Variants in ERGIC1 observed in about 807,000 individuals in gnomAD.
The protein encoded by ERGIC1 is endoplasmic reticulum-golgi intermediate compartment 1.
Under a neutral mutation model 38.3 loss-of-function variants are expected in ERGIC1, and 19 were observed. The ratio of observed to expected loss-of-function variants is 0.50; its 90% CI spans 0.35 to 0.73. The LOEUF (loss-of-function observed/expected upper bound fraction) is 0.73. Among genes scored for constraint, ERGIC1 ranks in the 30% least tolerant of loss-of-function variants. ERGIC1 has a pLI of 0.01. For synonymous variants in ERGIC1, 124 were observed against 157.6 expected, an observed-to-expected ratio of 0.79 and a Z score of 1.60; for missense variants, 294 against 389.2, an observed-to-expected ratio of 0.76 and a Z score of 2.06.
chr5:172,860,162 T>C (rs1220464025), intron 1 of ERGIC1, among the ~76,000 whole-genome samples: 2 of 152,184 alleles, frequency 1.3e-5, no homozygotes, highest in Non-Finnish European at 2.9e-5. Context: ...AAGACATGTC[T>C]CCAGCCTCAG....
intron 1 of ERGIC1, among the ~76,000 whole-genome samples, chr5:172,877,085 T>TA (rs1762154138): frequency 6.6e-6 from 1 of 152,244 alleles, no homozygotes; most frequent in South Asian, 2.1e-4. Context: ...AGGTTTATAG[T>TA]AAGTCTGGAC....
intron 1 of ERGIC1, among the ~76,000 whole-genome samples, chr5:172,879,017 TC>T (rs1300597177): frequency 1.3e-5 from 2 of 152,108 alleles, no homozygotes; most frequent in Non-Finnish European, 2.9e-5. Flanking sequence ...ACCCACCACT[TC>T]CAATGACTTG....
chr5:172,843,946 G>A (rs1033420313), intron 1 of ERGIC1, among the ~76,000 whole-genome samples: 2 of 152,248 alleles, frequency 1.3e-5, no homozygotes, highest in African/African-American at 4.8e-5. Context: ...TATACTTGGA[G>A]GCGGGAGGAC....
intron 1 of ERGIC1, among the ~76,000 whole-genome samples, chr5:172,861,350 T>C (rs1761694745): frequency 6.6e-6 from 1 of 151,772 alleles, no homozygotes; most frequent in Non-Finnish European, 1.5e-5. Flanking sequence ...CGTGTTCTCT[T>C]TCATAGCTCC....
At chr5:172,856,977 G>T (rs1481300989) in intron 1 of ERGIC1, among the ~76,000 whole-genome samples, 4 of 152,184 alleles carry the variant, frequency 2.6e-5, no homozygotes, top group African/African-American at 4.8e-5. Flanking sequence ...GGGTAGCCAA[G>T]GGTTGGGGCC....
chr5:172,920,108 CAT>C (rs1356008164), intron 5 of ERGIC1, among the ~76,000 whole-genome samples: 2 of 152,186 alleles, frequency 1.3e-5, no homozygotes, highest in African/African-American at 4.8e-5. Context: ...CTTGGTTACA[CAT>C]GTCATGACCA....
chr5:172,929,604 G>T (rs1763730234), intron 7 of ERGIC1, among the ~76,000 whole-genome samples: 1 of 152,132 alleles, frequency 6.6e-6, no homozygotes, highest in African/African-American at 2.4e-5. Flanking sequence ...AATTAAGAGA[G>T]TGTACAAAAA....
intron 4 of ERGIC1, among the ~76,000 whole-genome samples, chr5:172,913,414 G>T (rs757768438): frequency 3.3e-5 from 5 of 152,372 alleles, no homozygotes; most frequent in African/African-American, 4.8e-5. Flanking sequence ...GGACCTGCTT[G>T]TGTTTTCTCT....
intron 1 of ERGIC1, among the ~76,000 whole-genome samples, chr5:172,874,166 C>T (rs1009921212): frequency 6.6e-6 from 1 of 152,126 alleles, no homozygotes; most frequent in South Asian, 2.1e-4. Context: ...GCAACCTCTG[C>T]CTCGTGGGTT....
intron 7 of ERGIC1, among the ~76,000 whole-genome samples, chr5:172,927,299 C>T (rs1763676087): frequency 6.6e-6 from 1 of 152,184 alleles, no homozygotes; most frequent in African/African-American, 2.4e-5. Context: ...TAACCCACAT[C>T]TTTTCTTATT....
In ERGIC1 at chr5:172,837,695, T is replaced by G. The variant is rs1217250385; in HGVS notation, c.20+3262T>G. On this transcript the variant is annotated intron_variant, in intron 1 of 9. Transcript: ENST00000393784. This position sits in a 1 kb window ranked among gnomAD's most constrained non-coding sequence, Gnocchi z 4.3. Reference sequence around the variant, plus strand: ...GAATCTGCCGTTCCTAGGTTGTTTTTGGGGTTAAGGAAGGAGGCAGAACGC... The same window carrying G: ...GAATCTGCCGTTCCTAGGTTGTTTTGGGGGTTAAGGAAGGAGGCAGAACGC... Among the ~76,000 whole-genome samples the G allele has an allele frequency of 2.6e-5, 4 of 152,330 alleles. No homozygotes were observed. Among genetic ancestry groups the G allele is most frequent in the East Asian group, 3.9e-4 (2 of 5,182 alleles).
At chr5:172,938,954 T>C (rs955451446) in intron 9 of ERGIC1, among the ~76,000 whole-genome samples, 2 of 151,778 alleles carry the variant, frequency 1.3e-5, no homozygotes, top group Non-Finnish European at 1.5e-5. Flanking sequence ...TCCCAGCTAC[T>C]TGGGAGGGTG....
At chr5:172,838,836 G>A (rs1157552817) in intron 1 of ERGIC1, among the ~76,000 whole-genome samples, 3 of 152,226 alleles carry the variant, frequency 2.0e-5, no homozygotes, top group Middle Eastern at 3.2e-3. Context: ...TGAGCACAGA[G>A]TTAACATTCA....
At chr5:172,904,373 T>C (rs1762966347) in intron 3 of ERGIC1, among the ~76,000 whole-genome samples, 2 of 152,242 alleles carry the variant, frequency 1.3e-5, no homozygotes, top group Non-Finnish European at 2.9e-5. Context: ...TTAATTTTGC[T>C]GATTTTCGAA....
At position 172,840,076 on chromosome 5, in the gene ERGIC1, G is replaced by A. The variant is rs374078116; in HGVS notation, c.20+5643G>A. On this transcript the variant is annotated intron_variant, in intron 1 of 9. Coordinates refer to ENST00000393784, the MANE Select transcript of ERGIC1 (RefSeq NM_001031711.3). ...TTTTTTCCCCCTAGCCTCATGTAGC[G>A]TGATACCTGATTCTGAAATGGTCTT... is the stretch of plus-strand genomic sequence containing the variant. Among the ~76,000 whole-genome samples the A allele has an allele frequency of 6.6e-5, 10 of 152,296 alleles. No homozygotes were observed. The East Asian group carries it at 9.6e-4, about 15-fold the overall frequency.
intron 1 of ERGIC1, among the ~76,000 whole-genome samples, chr5:172,870,563 A>G (rs992403861): frequency 3.3e-5 from 5 of 152,230 alleles, no homozygotes; most frequent in Non-Finnish European, 7.3e-5. Flanking sequence ...TCAGAGGGAA[A>G]GGTGTTTCCT....
At chr5:172,877,299 A>G (rs377566506) in intron 1 of ERGIC1, among the ~76,000 whole-genome samples, 14 of 152,030 alleles carry the variant, frequency 9.2e-5, no homozygotes, top group Admixed American at 5.2e-4. Context: ...TAACATGTCT[A>G]TATTTCCACA....
intron 2 of ERGIC1, among the ~76,000 whole-genome samples, chr5:172,894,002 G>A (rs1464444477): frequency 1.4e-5 from 2 of 138,036 alleles, no homozygotes; most frequent in African/African-American, 2.6e-5. Context: ...GGAATCGGGG[G>A]CTGCAGATCA....
intron 3 of ERGIC1, among the ~76,000 whole-genome samples, chr5:172,904,087 G>A (rs1436390730): frequency 3.9e-5 from 6 of 152,034 alleles, no homozygotes; most frequent in Non-Finnish European, 7.4e-5. Flanking sequence ...TGAAGTAGAC[G>A]GAATCTTTAT....
Sources: gnomAD v4.1 joint callset for allele counts (sites outside exome capture counted in the v4.1 genomes callset) on GRCh38, gnomAD v4.1.1 for gene constraint, Gnocchi (gnomAD v3.1) non-coding constraint, MANE v1.5 for transcripts, NCBI Gene and HGNC (gene_info 2026-07-23, HGNC 2026-07-21) for gene names.